MARCHF1: variants seen among roughly 807,000 people sequenced by gnomAD.
The protein encoded by MARCHF1 is membrane associated ring-CH-type finger 1.
A neutral mutation model predicts 54.2 loss-of-function variants in MARCHF1; 40 were observed. The observed-to-expected ratio is 0.74, with a 90% CI of 0.57 to 0.96. The LOEUF (loss-of-function observed/expected upper bound fraction) is 0.96. Ranked by LOEUF, MARCHF1 falls within the 40% of genes least tolerant of loss-of-function variation. The pLI, the probability that MARCHF1 is intolerant of heterozygous loss-of-function variation, is 0.00. For missense variants in MARCHF1, 586 were observed against 656.5 expected (o/e 0.89, Z 1.17); for synonymous variants, 236 against 236.3 (o/e 1.00, Z 0.01).
intron 1 of MARCHF1, among the ~76,000 whole-genome samples, chr4:164,148,235 G>A (rs1369781134): frequency 6.6e-6 from 1 of 151,876 alleles, no homozygotes; most frequent in Non-Finnish European, 1.5e-5. Flanking sequence ...ACAACTACTA[G>A]TAGGGGATGT....
intron 1 of MARCHF1, among the ~76,000 whole-genome samples, chr4:164,382,568 A>C (rs1731398831): frequency 6.6e-6 from 1 of 152,210 alleles, no homozygotes; most frequent in Admixed American, 6.5e-5. Context: ...AGAAAAAGTC[A>C]CTGAACCCCC....
At chr4:163,877,466 T>TC (rs1750316300) in intron 3 of MARCHF1, among the ~76,000 whole-genome samples, 1 of 150,562 alleles carries the variant, frequency 6.6e-6, no homozygotes, top group Non-Finnish European at 1.5e-5. Context: ...GCACTGTTTT[T>TC]TTTTTTTTTT....
intron 1 of MARCHF1, among the ~76,000 whole-genome samples, chr4:164,352,220 A>G (rs1730366171): frequency 1.7e-5 from 2 of 118,644 alleles, no homozygotes; most frequent in Admixed American, 8.4e-5. Context: ...TCCCCAATCT[A>G]GCAAGGCAGG....
At chr4:163,664,990 G>C (rs1276263215) in intron 5 of MARCHF1, among the ~76,000 whole-genome samples, 1 of 152,012 alleles carries the variant, frequency 6.6e-6, no homozygotes, top group Non-Finnish European at 1.5e-5. Context: ...TGCTAAAATA[G>C]TCACAAAATA....
chr4:164,345,245 T>C (rs959391444), intron 1 of MARCHF1, among the ~76,000 whole-genome samples: 1 of 152,116 alleles, frequency 6.6e-6, no homozygotes, highest in Non-Finnish European at 1.5e-5. Context: ...TCCATGAATA[T>C]GTACAACTAT....
At chr4:164,001,754 A>C (rs1753190325) in intron 2 of MARCHF1, among the ~76,000 whole-genome samples, 1 of 151,874 alleles carries the variant, frequency 6.6e-6, no homozygotes, top group African/African-American at 2.4e-5. Flanking sequence ...GATGGAATTT[A>C]CAACAGCAAA....
At chr4:163,885,494 G>C (rs921849417) in intron 3 of MARCHF1, among the ~76,000 whole-genome samples, 1 of 152,032 alleles carries the variant, frequency 6.6e-6, no homozygotes, top group African/African-American at 2.4e-5. Context: ...TGATCATATA[G>C]TCAGATCTTA....
At chr4:163,835,189 C>G (rs1191677048) in intron 4 of MARCHF1, among the ~76,000 whole-genome samples, 2 of 152,184 alleles carry the variant, frequency 1.3e-5, no homozygotes, top group Non-Finnish European at 2.9e-5. Flanking sequence ...GGCCATGTAA[C>G]TATTTATATT....
In MARCHF1 at chr4:163,681,181, G is replaced by T. The variant is rs1744091219; in HGVS notation, c.162+19632C>A. ...GTGCTATCACATGCATATGGGAATT[G>T]CTAAGATATCTCCCTTTTCCTGACT... On this transcript the variant is annotated intron_variant, in intron 5 of 9. Coordinates refer to ENST00000514618, the MANE Select transcript of MARCHF1 (RefSeq NM_001394959.1). Among the ~76,000 whole-genome samples, 3 of 152,064 alleles carry T rather than the reference G, an allele frequency of 2.0e-5. No homozygotes were observed. In the South Asian group the frequency reaches 6.2e-4, roughly 32 times the overall value.
chr4:164,112,120 G>A (rs1026100028), intron 1 of MARCHF1, among the ~76,000 whole-genome samples: 17 of 151,764 alleles, frequency 1.1e-4, no homozygotes, highest in Non-Finnish European at 1.8e-4. Flanking sequence ...TCAAAGTTTT[G>A]AACATAATGA....
chr4:163,730,891 A>G (rs1377892837), intron 4 of MARCHF1, among the ~76,000 whole-genome samples: 1 of 152,158 alleles, frequency 6.6e-6, no homozygotes, highest in African/African-American at 2.4e-5. Context: ...TCCCAATGTC[A>G]TCCCCTATTT....
intron 2 of MARCHF1, among the ~76,000 whole-genome samples, chr4:163,997,703 T>C (rs4056345): frequency 0.96 from 145,718 of 151,932 alleles, 70,171 homozygotes; most frequent in East Asian, 1. Flanking sequence ...TAAAGAGCAG[T>C]CCATATGAAT....
intron 2 of MARCHF1, among the ~76,000 whole-genome samples, chr4:164,027,678 A>G (rs1450084325): frequency 6.6e-6 from 1 of 152,062 alleles, no homozygotes; most frequent in African/African-American, 2.4e-5. Context: ...ACCATTCTCA[A>G]TATCAGCCTT....
intron 9 of MARCHF1, 130 bp from the exon 10 acceptor site, chr4:163,529,176 T>G (rs1279192515): frequency 7.6e-6 from 5 of 658,156 alleles, no homozygotes; most frequent in Non-Finnish European, 1.3e-5. Context: ...AAATAATATA[T>G]TCTTCATAAC....
At chr4:164,091,867 T>C (rs1342371448) in intron 2 of MARCHF1, among the ~76,000 whole-genome samples, 1 of 25,092 alleles carries the variant, frequency 4.0e-5, no homozygotes, top group African/African-American at 2.4e-4. Context: ...TACTTTTGTG[T>C]GTGTGTGTGT....
chr4:163,539,669 C>T, intron 9 of MARCHF1, among the ~76,000 whole-genome samples: 1 of 152,210 alleles, frequency 6.6e-6, no homozygotes. Context: ...GTCAGCCAGG[C>T]CACTGGCGTT....
intron 2 of MARCHF1, among the ~76,000 whole-genome samples, chr4:164,045,261 T>G (rs1754217797): frequency 6.6e-6 from 1 of 152,064 alleles, no homozygotes; most frequent in African/African-American, 2.4e-5. Flanking sequence ...CCTGTAATAC[T>G]TTCACTTTGG....
intron 1 of MARCHF1, among the ~76,000 whole-genome samples, chr4:164,323,334 G>T (rs974760152): frequency 1.3e-5 from 2 of 151,546 alleles, no homozygotes; most frequent in African/African-American, 4.8e-5. Context: ...CACTATCTGA[G>T]AATAATTGAG....
chr4:163,760,546 T>C (rs2110822367), intron 4 of MARCHF1, among the ~76,000 whole-genome samples: 1 of 152,252 alleles, frequency 6.6e-6, no homozygotes, highest in South Asian at 2.1e-4. Flanking sequence ...TTGGTTTGGC[T>C]AATATTTACC....
Sources: gnomAD v4.1 joint callset for allele counts (sites outside exome capture counted in the v4.1 genomes callset) on GRCh38, gnomAD v4.1.1 for gene constraint, MANE v1.5 for transcripts, NCBI Gene and HGNC (gene_info 2026-07-23, HGNC 2026-07-21) for gene names.